GALNT9: variants seen among roughly 807,000 people sequenced by gnomAD.
The protein encoded by GALNT9 is polypeptide N-acetylgalactosaminyltransferase 9.
In GALNT9, 47 loss-of-function variants were observed where a neutral mutation model predicts 63.1. The observed-to-expected ratio is 0.75, with a 90% CI of 0.59 to 0.95. The LOEUF (loss-of-function observed/expected upper bound fraction) is 0.95, where lower values mean the gene tolerates loss of function less well. Among genes scored for constraint, GALNT9 ranks in the 40% least tolerant of loss-of-function variants. The pLI is 0.00. For missense variants in GALNT9, 829 were observed against 874.8 expected, an observed-to-expected ratio of 0.95 and a Z score of 0.66; for synonymous variants, 396 against 365.7, an observed-to-expected ratio of 1.08 and a Z score of -0.94.
intron 5 of GALNT9, among the ~76,000 whole-genome samples, chr12:132,256,702 G>T (rs1879133515): frequency 6.6e-6 from 1 of 151,220 alleles, no homozygotes; most frequent in African/African-American, 2.4e-5. Context: ...GGACACTGGA[G>T]TGGGTTTCGG....
chr12:132,253,192 G>A (rs1294197916), intron 5 of GALNT9, among the ~76,000 whole-genome samples: 1 of 152,164 alleles, frequency 6.6e-6, no homozygotes, highest in Non-Finnish European at 1.5e-5. Flanking sequence ...AGTGCGGGAG[G>A]AGCATGAAAG....
intron 3 of GALNT9, among the ~76,000 whole-genome samples, 188 bp downstream of exon 3, chr12:132,262,271 G>C (rs1213932381): frequency 6.6e-6 from 1 of 152,170 alleles, no homozygotes; most frequent in Non-Finnish European, 1.5e-5. Flanking sequence ...CCACACACTG[G>C]GGACAGCACG....
intron 1 of GALNT9, among the ~76,000 whole-genome samples, chr12:132,309,315 C>G (rs1031811765): frequency 5.3e-5 from 8 of 152,178 alleles, no homozygotes; most frequent in Admixed American, 5.2e-4. Context: ...GGCCCCACCC[C>G]TCTAGCTGCC....
intron 4 of GALNT9, among the ~76,000 whole-genome samples, 158 bp from the exon 5 acceptor site, chr12:132,258,044 C>T (rs1879207322): frequency 6.6e-6 from 1 of 152,168 alleles, no homozygotes; most frequent in Non-Finnish European, 1.5e-5. Flanking sequence ...CTTGGAAGCC[C>T]AAGGGCCCCT....
At chr12:132,317,360 C>T (rs1868561500) in intron 1 of GALNT9, among the ~76,000 whole-genome samples, 2 of 152,234 alleles carry the variant, frequency 1.3e-5, no homozygotes, top group African/African-American at 4.8e-5. Context: ...CCAGGCCACA[C>T]CCTCTCTCCT....
intron 6 of GALNT9, among the ~76,000 whole-genome samples, chr12:132,213,538 C>T (rs1218646852): frequency 6.6e-6 from 1 of 151,976 alleles, no homozygotes; most frequent in East Asian, 1.9e-4. Flanking sequence ...CTCCCACCCA[C>T]ATACAGGCGC....
At chr12:132,227,003 C>T (rs997672369) in intron 6 of GALNT9, among the ~76,000 whole-genome samples, 1 of 151,404 alleles carries the variant, frequency 6.6e-6, no homozygotes, top group Non-Finnish European at 1.5e-5. Context: ...CCCATCCCCC[C>T]CACACACATA....
intron 2 of GALNT9, chr12:132,280,514 C>T (rs989648410): frequency 6.6e-5 from 10 of 152,252 alleles, no homozygotes; most frequent in African/African-American, 2.2e-4. Flanking sequence ...AGAAGGGGCC[C>T]GCGTGGAAGC....
In GALNT9 at chr12:132,291,868, G is replaced by A. The variant is rs73473529; in HGVS notation, c.239-5438C>T. 5.5e-3 allele frequency among the ~76,000 whole-genome samples: 830 copies of A among 152,176 alleles called. 11 individuals are homozygous for A. The highest frequency in any genetic ancestry group is 0.019 in the African/African-American group (781 of 41,516). On this transcript the variant is annotated intron_variant, in intron 1 of 10. Coordinates refer to ENST00000328957, the MANE Select transcript of GALNT9 (RefSeq NM_001122636.2). ...TGAGCTTGTAGAGGGTTCCAGAGCCGCTCCCCTGCTGGGAGCCATGGGCCC... is the reference window on the plus strand; with the variant it reads ...TGAGCTTGTAGAGGGTTCCAGAGCCACTCCCCTGCTGGGAGCCATGGGCCC...
intron 5 of GALNT9, among the ~76,000 whole-genome samples, chr12:132,255,603 G>C (rs1488079612): frequency 1.3e-5 from 2 of 152,160 alleles, no homozygotes; most frequent in Non-Finnish European, 2.9e-5. Context: ...TTCATACCAG[G>C]TCTTTAGATA....
At chr12:132,273,711 A>T (rs1879953587) in intron 2 of GALNT9, 1 of 152,320 alleles carries the variant, frequency 6.6e-6, no homozygotes, top group South Asian at 2.1e-4. Context: ...AACTAAGTTT[A>T]TGGTATTTGG....
intron 6 of GALNT9, among the ~76,000 whole-genome samples, chr12:132,211,091 C>A (rs1367019591): frequency 1.3e-5 from 2 of 152,188 alleles, no homozygotes; most frequent in Non-Finnish European, 2.9e-5. Context: ...GCACGTCACA[C>A]AACCAACGCT....
At chr12:132,200,273 G>A (rs1875930246) in intron 8 of GALNT9, among the ~76,000 whole-genome samples, 1 of 152,204 alleles carries the variant, frequency 6.6e-6, no homozygotes, top group African/African-American at 2.4e-5. Flanking sequence ...CATGGTGGGA[G>A]GCACCCCATC....
intron 1 of GALNT9, among the ~76,000 whole-genome samples, chr12:132,300,709 G>A (rs142638421): frequency 1.1e-5 from 1 of 90,458 alleles, no homozygotes; most frequent in Non-Finnish European, 2.2e-5. Flanking sequence ...CTAACCCACT[G>A]CCACCACACC....
intron 6 of GALNT9, among the ~76,000 whole-genome samples, chr12:132,229,189 TC>T (rs1399941736): frequency 2.2e-4 from 33 of 152,320 alleles, no homozygotes; most frequent in Admixed American, 1.3e-4. Context: ...TGCTCCTCCA[TC>T]CTGGCTCACA....
intron 6 of GALNT9, among the ~76,000 whole-genome samples, chr12:132,209,882 G>A (rs781646671): frequency 6.6e-6 from 1 of 152,180 alleles, no homozygotes; most frequent in Non-Finnish European, 1.5e-5. Flanking sequence ...GCAGCCCTGG[G>A]GGCCACTCTG....
rs953118700 is a variant in GALNT9 at position 132,217,480 on chromosome 12, ACCCACCCATGCATC to A, written c.1078-13804_1078-13791del. 1.1e-4 allele frequency among the ~76,000 whole-genome samples: 16 copies of A among 147,632 alleles called. No homozygotes were observed. In the East Asian group the frequency reaches 3.2e-3, roughly 30 times the overall value. On this transcript the variant is annotated intron_variant, in intron 6 of 10. Coordinates refer to ENST00000328957, the MANE Select transcript of GALNT9 (RefSeq NM_001122636.2). ...CCTGCATCCAGCCAGCCATCCATTC[ACCCACCCATGCATC>A]CCCACCCATCCATCCATCCATCCCT...
At chr12:132,307,331 G>T (rs1881650409) in intron 1 of GALNT9, among the ~76,000 whole-genome samples, 1 of 152,148 alleles carries the variant, frequency 6.6e-6, no homozygotes, top group Admixed American at 6.6e-5. Flanking sequence ...TACGCACTGG[G>T]TCTATCTAGA....
At chr12:132,290,383 G>A (rs1345816375) in intron 1 of GALNT9, among the ~76,000 whole-genome samples, 5 of 152,154 alleles carry the variant, frequency 3.3e-5, no homozygotes, top group South Asian at 2.1e-4. Flanking sequence ...GGGAGTAAGC[G>A]AGGCCGTCCC....
Sources: allele counts gnomAD v4.1 joint callset (sites outside exome capture counted in the v4.1 genomes callset), GRCh38; gene constraint gnomAD v4.1.1; transcripts MANE v1.5; gene names NCBI Gene and HGNC (gene_info 2026-07-23, HGNC 2026-07-21).